GCNT2: variants seen among roughly 807,000 people sequenced by gnomAD.
GCNT2 encodes N-acetyllactosaminide beta-1,6-N-acetylglucosaminyl-transferase.
GCNT2 carries 34 observed loss-of-function variants against 34.2 expected under a neutral mutation model. That is an observed-to-expected ratio of 1.00 (90% CI 0.76 to 1.32). GCNT2 has a LOEUF of 1.32. GCNT2 is among the 40% of genes most tolerant of loss of function. The pLI is 0.00. For missense variants in GCNT2, 584 were observed against 489.4 expected, an observed-to-expected ratio of 1.19 and a Z score of -1.82; for synonymous variants, 212 against 188.0, an observed-to-expected ratio of 1.13 and a Z score of -1.04.
At chr6:10,622,869 C>G (rs974742742) in intron 4 of GCNT2, among the ~76,000 whole-genome samples, 1 of 150,364 alleles carries the variant, frequency 6.7e-6, no homozygotes, top group African/African-American at 2.4e-5. Context: ...ATTCTTCTGC[C>G]TCAGCCTCCC....
At chr6:10,617,949 T>TTC (rs1184491043) in intron 3 of GCNT2, among the ~76,000 whole-genome samples, 2 of 151,762 alleles carry the variant, frequency 1.3e-5, no homozygotes, top group East Asian at 3.9e-4. Context: ...GAGACAGGGT[T>TTC]TCACCACGTT....
intron 3 of GCNT2, among the ~76,000 whole-genome samples, chr6:10,538,585 T>G (rs1390407859): frequency 2.6e-5 from 4 of 151,654 alleles, no homozygotes; most frequent in African/African-American, 9.7e-5. Context: ...GCTTAGTTGC[T>G]GAAAGTCATA....
chr6:10,594,346 T>C (rs568147194), intron 3 of GCNT2, among the ~76,000 whole-genome samples: 2 of 152,304 alleles, frequency 1.3e-5, no homozygotes, highest in Admixed American at 6.5e-5. Context: ...CTAGTTGATA[T>C]AAGGAAAAGC....
chr6:10,608,532 A>G (rs1222962671), intron 3 of GCNT2, among the ~76,000 whole-genome samples: 3 of 152,138 alleles, frequency 2.0e-5, no homozygotes, highest in Admixed American at 6.5e-5. Flanking sequence ...TGCGAGCTTG[A>G]TAAGTATAAA....
intron 3 of GCNT2, among the ~76,000 whole-genome samples, chr6:10,587,290 T>C (rs1294053828): frequency 6.6e-6 from 1 of 152,236 alleles, no homozygotes; most frequent in African/African-American, 2.4e-5. Flanking sequence ...CGGACGGATG[T>C]TAGACATCGC....
chr6:10,549,563 CTTTT>C (rs33909973), intron 3 of GCNT2, among the ~76,000 whole-genome samples: 26 of 104,290 alleles, frequency 2.5e-4, no homozygotes, highest in South Asian at 6.3e-4. Context: ...ATCTCTCTCT[CTTTT>C]TTTTTTTTTT....
intron 3 of GCNT2, among the ~76,000 whole-genome samples, chr6:10,547,507 G>T (rs572344073): frequency 1.3e-5 from 2 of 152,274 alleles, no homozygotes; most frequent in Admixed American, 1.3e-4. Context: ...TTAAATTTAG[G>T]TTATACCTTT....
chr6:10,535,170 C>G (rs1037725144), intron 3 of GCNT2, among the ~76,000 whole-genome samples: 1 of 152,020 alleles, frequency 6.6e-6, no homozygotes, highest in South Asian at 2.1e-4. Flanking sequence ...GGTGACAGAG[C>G]GAGACTCCAT....
At chr6:10,606,643 A>ATTTC (rs1765325950) in intron 3 of GCNT2, among the ~76,000 whole-genome samples, 1 of 144,554 alleles carries the variant, frequency 6.9e-6, no homozygotes, top group Admixed American at 7.0e-5. Context: ...CATTAAAGAA[A>ATTTC]TTTAATGGAA....
chr6:10,549,346 ATATTT>A (rs1322849752), intron 3 of GCNT2, among the ~76,000 whole-genome samples: 2 of 152,094 alleles, frequency 1.3e-5, no homozygotes, highest in African/African-American at 4.8e-5. Context: ...TTTGATGAAT[ATATTT>A]CATTTCTGTT....
chr6:10,573,625 T>C (rs1763652529), intron 3 of GCNT2, among the ~76,000 whole-genome samples: 1 of 152,210 alleles, frequency 6.6e-6, no homozygotes, highest in African/African-American at 2.4e-5. Context: ...TTTTAGAAGC[T>C]TTCTCAGGGA....
chr6:10,527,643 G>T lies in GCNT2; in HGVS notation c.-299G>T, dbSNP rs1427117170. 2.6e-5 allele frequency: 4 copies of T among 152,174 alleles called. No homozygotes were observed. Among genetic ancestry groups the T allele is most frequent in the African/African-American group, 9.7e-5 (4 of 41,436 alleles). The allele number at this position is 152,174 out of a possible 1,614,324, so 9.4% of individuals were successfully genotyped here. ...AGAGGAGGGAGTAAGGGAAGAGTAA[G>T]AAGATTTCAAAGGAGAGGTAATTGT... is the stretch of plus-strand genomic sequence containing the variant. On this transcript the variant is annotated 5_prime_UTR_variant, in exon 2 of 5. Coordinates refer to ENST00000495262, the MANE Select transcript of GCNT2 (RefSeq NM_145649.5).
chr6:10,537,459 G>C (rs540958322), intron 3 of GCNT2, among the ~76,000 whole-genome samples: 193 of 152,178 alleles, frequency 1.3e-3, no homozygotes, highest in Middle Eastern at 3.4e-3. Flanking sequence ...CCAGCACTTT[G>C]GGAGGCCGAG....
At chr6:10,581,233 GTTTTGGGGTTTTGT>G (rs1764056179) in intron 3 of GCNT2, among the ~76,000 whole-genome samples, 1 of 152,070 alleles carries the variant, frequency 6.6e-6, no homozygotes, top group Non-Finnish European at 1.5e-5. Flanking sequence ...GATGTACATG[GTTTTGGGGTTTTGT>G]TTTATGTATG....
chr6:10,562,659 AAAAAAAAAAAAAAAAAAAC>A (rs1352372757), intron 3 of GCNT2, among the ~76,000 whole-genome samples: 2 of 88,630 alleles, frequency 2.3e-5, no homozygotes, highest in Admixed American at 1.2e-4. Flanking sequence ...CTTCTCTGAA[AAAAAAAAAAAAAAAAAAAC>A]AAAAAAAAAC....
intron 3 of GCNT2, among the ~76,000 whole-genome samples, chr6:10,560,385 C>T (rs983164672): frequency 6.6e-6 from 1 of 152,162 alleles, no homozygotes; most frequent in East Asian, 1.9e-4. Flanking sequence ...GCCACTGCGC[C>T]GGGCTGAGCT....
rs530885009 is a variant in GCNT2, at chr6:10,556,649, T to A, written c.925+26813T>A. ...TGAGAAGTCTTCTTGCAAGGAATACTTGACCCAGAGCCACTACATCACAGC... is the reference window on the plus strand; with the variant it reads ...TGAGAAGTCTTCTTGCAAGGAATACATGACCCAGAGCCACTACATCACAGC... On this transcript the variant is annotated intron_variant, in intron 3 of 4. Coordinates refer to ENST00000495262, the MANE Select transcript of GCNT2 (RefSeq NM_145649.5). 14 of 1,614,162 alleles carry A rather than the reference T, an allele frequency of 8.7e-6. No homozygotes were observed. The South Asian group carries it at 1.5e-4, about 18-fold the overall frequency.
Position 10,605,234 on chromosome 6 carries a change from G to A in GCNT2, c.926-16117G>A, listed in dbSNP as rs1368092349. ...TTTTTTTTTTTTTTTTTTTTTTTTT[G>A]AGACAGAGTCTCACTCTGCCACCCA... On this transcript the variant is annotated intron_variant, in intron 3 of 4. Coordinates refer to ENST00000495262, the MANE Select transcript of GCNT2 (RefSeq NM_145649.5). 2.6e-4 allele frequency among the ~76,000 whole-genome samples: 8 copies of A among 31,092 alleles called. No homozygotes were observed. The East Asian group carries it at 4.3e-3, about 17-fold the overall frequency. The allele number at this position is 31,092 out of a possible 152,430, so 20.4% of individuals were successfully genotyped here. A position where few individuals can be genotyped will look rare whatever the true frequency, so the allele number is the denominator to read the frequency against.
intron 3 of GCNT2, among the ~76,000 whole-genome samples, chr6:10,597,319 C>T (rs770849771): frequency 7.9e-5 from 12 of 151,730 alleles, no homozygotes; most frequent in African/African-American, 2.2e-4. Flanking sequence ...CCATGCCAGG[C>T]GAATTTTTTG....
Sources: allele counts gnomAD v4.1 joint callset (sites outside exome capture counted in the v4.1 genomes callset), GRCh38; gene constraint gnomAD v4.1.1; transcripts MANE v1.5; gene names NCBI Gene and HGNC (gene_info 2026-07-23, HGNC 2026-07-21).